EEF2K: variants seen among roughly 807,000 people sequenced by gnomAD.
EEF2K encodes eukaryotic elongation factor 2 kinase, also known as alternative protein EEF2K.
Under a neutral mutation model 93.8 loss-of-function variants are expected in EEF2K, and 70 were observed. The observed-to-expected ratio is 0.75, with a 90% CI of 0.62 to 0.91. EEF2K has a LOEUF of 0.91. Among genes scored for constraint, EEF2K ranks in the 40% least tolerant of loss-of-function variants. The pLI, the probability that EEF2K is intolerant of heterozygous loss-of-function variation, is 0.00. For synonymous variants in EEF2K, 376 were observed against 380.8 expected (o/e 0.99, Z 0.15); for missense variants, 935 against 972.9 (o/e 0.96, Z 0.52).
chr16:22,273,782 A>G (rs1309645846), intron 16 of EEF2K, 32 bp downstream of exon 16: 1 of 1,609,488 alleles, frequency 6.2e-7, no homozygotes, highest in Admixed American at 1.7e-5. Context: ...AGGAGCTGGT[A>G]GGAACCTGGG....
At chr16:22,280,113 A>T in intron 16 of EEF2K, 85 bp from the exon 17 acceptor site, 5 of 1,360,208 alleles carry the variant, frequency 3.7e-6, no homozygotes, top group Non-Finnish European at 3.9e-6. Context: ...GGGATCCCTG[A>T]CTTGCCCCTC....
intron 16 of EEF2K, among the ~76,000 whole-genome samples, chr16:22,276,426 A>C (rs2047635759): frequency 6.6e-6 from 1 of 152,028 alleles, no homozygotes. Flanking sequence ...TCATTTCCTT[A>C]TTCTTCTTCC....
In EEF2K at chr16:22,256,447, C is replaced by G. The variant is rs189633132; in HGVS notation, c.619-301C>G. Among the ~76,000 whole-genome samples the G allele has an allele frequency of 6.1e-3, 935 of 152,140 alleles. 3 individuals are homozygous for G. Among genetic ancestry groups the G allele is most frequent in the Middle Eastern group, 0.034 (10 of 294 alleles). On this transcript the variant is annotated intron_variant, in intron 6 of 17. Transcript: ENST00000263026. ...GCAGGATTTCACCATGTTGGCCAGGCTGGTCTCGAACTCCTAACCTCAACT... is the reference window on the plus strand; with the variant it reads ...GCAGGATTTCACCATGTTGGCCAGGGTGGTCTCGAACTCCTAACCTCAACT...
chr16:22,220,545 G>A (rs916189730), intron 1 of EEF2K, among the ~76,000 whole-genome samples: 2 of 152,226 alleles, frequency 1.3e-5, no homozygotes, highest in Non-Finnish European at 1.5e-5. Context: ...CCAGATTCAA[G>A]TGATCCTCCC....
At position 22,277,801 on chromosome 16, in the gene EEF2K, T is replaced by A. The variant is rs545840796; in HGVS notation, c.1890-2397T>A. On this transcript the variant is annotated intron_variant, in intron 16 of 17. Coordinates refer to ENST00000263026, the MANE Select transcript of EEF2K (RefSeq NM_013302.5). ...ATATCTGAGGCTGAGGAATTTCTCA[T>A]GAACAGAAATTTGCTGGCTCTTAGT... Among the ~76,000 whole-genome samples, 7 of 152,054 alleles carry A rather than the reference T, an allele frequency of 4.6e-5. No individual in the cohort carries two copies. In the South Asian group the frequency reaches 1.5e-3, roughly 32 times the overall value.
intron 1 of EEF2K, among the ~76,000 whole-genome samples, chr16:22,217,358 C>T (rs138120460): frequency 1.8e-3 from 270 of 151,964 alleles, no homozygotes; most frequent in African/African-American, 5.7e-3. Flanking sequence ...AGCAGTACCC[C>T]ACCTATATGA....
chr16:22,262,871 G>A (rs1480518494), intron 11 of EEF2K, among the ~76,000 whole-genome samples: 1 of 152,152 alleles, frequency 6.6e-6, no homozygotes, highest in Admixed American at 6.5e-5. Context: ...ACCTTATACT[G>A]CTCCCTCGTT....
chr16:22,273,806 C>T (rs2047608918), intron 16 of EEF2K, 56 bp downstream of exon 16: 1 of 1,598,038 alleles, frequency 6.3e-7, no homozygotes, highest in Non-Finnish European at 8.5e-7. Flanking sequence ...CAGGTGGGCG[C>T]TTGTCCTCGG....
intron 2 of EEF2K, among the ~76,000 whole-genome samples, chr16:22,238,774 T>C (rs1335335652): frequency 6.6e-6 from 1 of 151,544 alleles, no homozygotes; most frequent in Non-Finnish European, 1.5e-5. Context: ...AGAAGAAGGT[T>C]CATAGCCACT....
At chr16:22,272,782 C>T (rs1420953933) in intron 15 of EEF2K, among the ~76,000 whole-genome samples, 3 of 152,070 alleles carry the variant, frequency 2.0e-5, no homozygotes, top group Admixed American at 2.0e-4. Flanking sequence ...GTGCCTCAGC[C>T]TCCTGAGTAG....
chr16:22,260,244 T>C (rs1015455723), intron 10 of EEF2K, among the ~76,000 whole-genome samples: 1 of 152,054 alleles, frequency 6.6e-6, no homozygotes, highest in Non-Finnish European at 1.5e-5. Context: ...TTGGCCAGAA[T>C]CATGTAGCTG....
chr16:22,260,619 G>A (rs1439569778), intron 11 of EEF2K, 90 bp downstream of exon 11: 1 of 1,548,336 alleles, frequency 6.5e-7, no homozygotes, highest in Non-Finnish European at 8.9e-7. Context: ...AGCTTCGGAG[G>A]TGGGCAGCCT....
At chr16:22,232,275 G>A (rs2047123364) in intron 2 of EEF2K, among the ~76,000 whole-genome samples, 1 of 152,128 alleles carries the variant, frequency 6.6e-6, no homozygotes, top group Non-Finnish European at 1.5e-5. Context: ...TGCCCAGGCT[G>A]GAGTACAGTG....
At position 22,213,194 on chromosome 16, in the gene EEF2K, C is replaced by T. The variant is rs1242431192; in HGVS notation, c.-77+6515C>T. On this transcript the variant is annotated intron_variant, in intron 1 of 17. Coordinates refer to ENST00000263026, the MANE Select transcript of EEF2K (RefSeq NM_013302.5). ...ACTCAGGAGGCTGAGGCACAAGAAT[C>T]ACTTGAACCTGGGAGATGGAGTTTG... is the stretch of plus-strand genomic sequence containing the variant. Among the ~76,000 whole-genome samples, 7 of 152,178 alleles carry T rather than the reference C, an allele frequency of 4.6e-5. No homozygotes were observed. In the South Asian group the frequency reaches 1.4e-3, roughly 31 times the overall value.
intron 3 of EEF2K, 92 bp downstream of exon 3, chr16:22,244,822 CA>C: frequency 1.5e-6 from 2 of 1,330,314 alleles, no homozygotes; most frequent in Non-Finnish European, 2.1e-6. Context: ...TCTTGGGGGT[CA>C]GGGGAAGGGA....
At chr16:22,229,440 C>T (rs1043027148) in intron 2 of EEF2K, among the ~76,000 whole-genome samples, 10 of 152,282 alleles carry the variant, frequency 6.6e-5, no homozygotes, top group Admixed American at 6.5e-5. Flanking sequence ...AGAAGCCGGG[C>T]GCGGTGGCTC....
chr16:22,256,963 C>G, intron 7 of EEF2K, 66 bp downstream of exon 7: 3 of 1,594,910 alleles, frequency 1.9e-6, no homozygotes, highest in Non-Finnish European at 2.6e-6. Context: ...TGGCCAGGCT[C>G]AGCCCCTAAA....
chr16:22,259,314 G>A lies in EEF2K; in HGVS notation c.1231+619G>A, dbSNP rs143851452. ...TCATGTATTCAGGGAAAGTGTGAGC[G>A]GGAGCAGGCTCAGAGCAGGAGAGCA... is the stretch of plus-strand genomic sequence containing the variant. On this transcript the variant is annotated intron_variant, in intron 10 of 17. Coordinates refer to ENST00000263026, the MANE Select transcript of EEF2K (RefSeq NM_013302.5). Among the ~76,000 whole-genome samples, 131 of 152,306 alleles carry A rather than the reference G, an allele frequency of 8.6e-4. 1 individual carries two copies. The Middle Eastern group carries it at 0.014, about 16-fold the overall frequency.
intron 15 of EEF2K, among the ~76,000 whole-genome samples, chr16:22,272,877 G>A (rs1037209892): frequency 6.6e-6 from 1 of 152,156 alleles, no homozygotes; most frequent in Non-Finnish European, 1.5e-5. Flanking sequence ...GGCCAGGCTG[G>A]TCTCGAACTG....
Sources: gnomAD v4.1 joint callset for allele counts (sites outside exome capture counted in the v4.1 genomes callset) on GRCh38, gnomAD v4.1.1 for gene constraint, MANE v1.5 for transcripts, NCBI Gene and HGNC (gene_info 2026-07-23, HGNC 2026-07-21) for gene names.